The following FGGY variants were observed in gnomAD, a reference collection of about 807,000 sequenced individuals.
FGGY encodes the protein FGGY carbohydrate kinase domain containing.
FGGY carries 72 observed loss-of-function variants against 71.3 expected under a neutral mutation model. The observed-to-expected ratio is 1.01, with a 90% CI of 0.84 to 1.23. The LOEUF (loss-of-function observed/expected upper bound fraction) is 1.23. Among genes scored for constraint, FGGY ranks in the 50% most tolerant of loss-of-function variants. The pLI is 0.00. For missense variants in FGGY, 668 were observed against 682.3 expected (o/e 0.98, Z 0.23); for synonymous variants, 251 against 250.3 (o/e 1.00, Z -0.02).
chr1:59,753,052 A>C (rs1450567804), intron 14 of FGGY, among the ~76,000 whole-genome samples: 1 of 152,276 alleles, frequency 6.6e-6, no homozygotes, highest in East Asian at 1.9e-4. Context: ...CACTGTATTA[A>C]TTGTGCTGTC....
At chr1:59,750,398 C>T (rs2098235147) in intron 14 of FGGY, among the ~76,000 whole-genome samples, 1 of 151,042 alleles carries the variant, frequency 6.6e-6, no homozygotes, top group Non-Finnish European at 1.5e-5. Flanking sequence ...CTTTTGCAAA[C>T]TTTAAATTGA....
At chr1:59,435,528 C>G (rs1035537341) in intron 5 of FGGY, among the ~76,000 whole-genome samples, 1 of 152,140 alleles carries the variant, frequency 6.6e-6, no homozygotes, top group Admixed American at 6.5e-5. Context: ...CTATGCTCCA[C>G]TTCACTTGCC....
intron 8 of FGGY, among the ~76,000 whole-genome samples, chr1:59,588,678 C>T (rs1182182728): frequency 6.6e-6 from 1 of 152,104 alleles, no homozygotes; most frequent in African/African-American, 2.4e-5. Context: ...AATTTCATAT[C>T]CAGCCAAACT....
At chr1:59,663,434 G>A (rs1468669347) in intron 12 of FGGY, among the ~76,000 whole-genome samples, 1 of 152,162 alleles carries the variant, frequency 6.6e-6, no homozygotes, top group Non-Finnish European at 1.5e-5. Context: ...TTGTCTCACA[G>A]AGGTTCCTTT....
intron 8 of FGGY, among the ~76,000 whole-genome samples, chr1:59,586,515 G>T (rs1158763134): frequency 6.6e-6 from 1 of 152,100 alleles, no homozygotes; most frequent in East Asian, 1.9e-4. Flanking sequence ...GGTGGGGTCG[G>T]GGGAGTGGGG....
At chr1:59,740,879 C>A (rs906981257) in intron 14 of FGGY, among the ~76,000 whole-genome samples, 3 of 152,068 alleles carry the variant, frequency 2.0e-5, no homozygotes, top group Non-Finnish European at 4.4e-5. Flanking sequence ...GTGGCTAGTC[C>A]AAATTGCAAT....
intron 7 of FGGY, among the ~76,000 whole-genome samples, chr1:59,530,259 C>T (rs1390155368): frequency 1.3e-5 from 2 of 152,108 alleles, no homozygotes; most frequent in African/African-American, 2.4e-5. Context: ...CGGCTGTCAC[C>T]CAGCACTGCT....
chr1:59,412,061 GC>G (rs1467349418), intron 5 of FGGY, among the ~76,000 whole-genome samples: 1 of 152,110 alleles, frequency 6.6e-6, no homozygotes, highest in Non-Finnish European at 1.5e-5. Context: ...ACATCTCTTG[GC>G]CCCATATCAG....
chr1:59,591,175 A>C (rs2096428214), intron 8 of FGGY, among the ~76,000 whole-genome samples: 1 of 152,236 alleles, frequency 6.6e-6, no homozygotes, highest in Non-Finnish European at 1.5e-5. Flanking sequence ...ATAATGAGTG[A>C]GCTCCCATTT....
Position 59,338,820 on chromosome 1 carries a change from G to T in FGGY, c.202-1138G>T, listed in dbSNP as rs1442338577. Among the ~76,000 whole-genome samples the T allele has an allele frequency of 2.6e-5, 4 of 152,212 alleles. No homozygotes were observed. The East Asian group carries it at 7.7e-4, about 29-fold the overall frequency. On this transcript the variant is annotated intron_variant, in intron 2 of 15. Transcript: ENST00000303721. ...TAACTTTACTTACTTTTGCTAATAA[G>T]ATACGTGCATTTTTAATTTTAATAA...
At chr1:59,330,844 T>C (rs989856137) in intron 2 of FGGY, among the ~76,000 whole-genome samples, 1 of 152,070 alleles carries the variant, frequency 6.6e-6, no homozygotes, top group Non-Finnish European at 1.5e-5. Context: ...AATGGGGAGC[T>C]CCTCTAGAAT....
At chr1:59,551,422 A>G (rs1409166927) in intron 7 of FGGY, among the ~76,000 whole-genome samples, 1 of 152,124 alleles carries the variant, frequency 6.6e-6, no homozygotes, top group Non-Finnish European at 1.5e-5. Context: ...CTTTGCCTGT[A>G]CTTTATGTTT....
chr1:59,642,116 C>A (rs1238246135), intron 11 of FGGY, among the ~76,000 whole-genome samples: 1 of 152,098 alleles, frequency 6.6e-6, no homozygotes, highest in Non-Finnish European at 1.5e-5. Flanking sequence ...TTCTAAGCAT[C>A]TGTTAATGGG....
chr1:59,680,965 G>C (rs1006571229), intron 14 of FGGY: 4 of 152,134 alleles, frequency 2.6e-5, no homozygotes, highest in African/African-American at 9.7e-5. Context: ...ATCATTGCTT[G>C]GTTGAGTGTC....
At chr1:59,405,383 G>T (rs1372217533) in intron 5 of FGGY, among the ~76,000 whole-genome samples, 3 of 152,126 alleles carry the variant, frequency 2.0e-5, no homozygotes, top group Non-Finnish European at 1.5e-5. Context: ...CTTATTCCTG[G>T]TTGGAAGTTG....
intron 1 of FGGY, among the ~76,000 whole-genome samples, chr1:59,305,685 C>T (rs1359350247): frequency 1.3e-5 from 2 of 152,304 alleles, no homozygotes; most frequent in East Asian, 3.9e-4. Context: ...CCAATTCCCT[C>T]TGAGTTATGA....
At chr1:59,529,115 C>T (rs866974106) in intron 7 of FGGY, among the ~76,000 whole-genome samples, 6 of 152,066 alleles carry the variant, frequency 3.9e-5, no homozygotes, top group South Asian at 4.2e-4. Flanking sequence ...TGAATACATG[C>T]GTGAATGAAT....
At chr1:59,551,081 T>G (rs2095601003) in intron 7 of FGGY, among the ~76,000 whole-genome samples, 1 of 152,084 alleles carries the variant, frequency 6.6e-6, no homozygotes, top group African/African-American at 2.4e-5. Context: ...TGAGAGGGGG[T>G]TCAGATGATG....
At chr1:59,520,967 G>C (rs2094810888) in intron 7 of FGGY, among the ~76,000 whole-genome samples, 1 of 147,836 alleles carries the variant, frequency 6.8e-6, no homozygotes, top group Non-Finnish European at 1.5e-5. Context: ...CTGGGGGCAG[G>C]AGGGAGCTTG....
Sources: allele counts gnomAD v4.1 joint callset (sites outside exome capture counted in the v4.1 genomes callset), GRCh38; gene constraint gnomAD v4.1.1; transcripts MANE v1.5; gene names NCBI Gene and HGNC (gene_info 2026-07-23, HGNC 2026-07-21).